Variants in CLNK observed in about 807,000 individuals in gnomAD.
The protein encoded by CLNK is cytokine-dependent hematopoietic cell linker.
CLNK carries 74 observed loss-of-function variants against 68.6 expected under a neutral mutation model. The observed-to-expected ratio is 1.08, with a 90% CI of 0.89 to 1.31. The LOEUF (loss-of-function observed/expected upper bound fraction) is 1.31, where lower values mean the gene tolerates loss of function less well. Among genes scored for constraint, CLNK ranks in the 50% most tolerant of loss-of-function variants. The pLI, the probability that CLNK is intolerant of heterozygous loss-of-function variation, is 0.00. For missense variants in CLNK, 553 were observed against 515.3 expected (o/e 1.07, Z -0.71); for synonymous variants, 198 against 172.2 (o/e 1.15, Z -1.17).
intron 2 of CLNK, among the ~76,000 whole-genome samples, chr4:10,632,595 C>T (rs1224565779): frequency 3.3e-5 from 5 of 152,246 alleles, no homozygotes; most frequent in Non-Finnish European, 5.9e-5. Context: ...TAGGTCTAGC[C>T]TAGTGCCTGA....
intron 18 of CLNK, among the ~76,000 whole-genome samples, chr4:10,499,737 C>A (rs1007816445): frequency 6.6e-6 from 1 of 152,142 alleles, no homozygotes; most frequent in Non-Finnish European, 1.5e-5. Context: ...AGGCTGAAGT[C>A]CCAAGGTCAA....
chr4:10,572,987 C>T (rs1720408587), intron 4 of CLNK, among the ~76,000 whole-genome samples: 2 of 152,106 alleles, frequency 1.3e-5, no homozygotes, highest in South Asian at 2.1e-4. Flanking sequence ...CACCACCACA[C>T]CCAGCTAATT....
chr4:10,557,564 G>A (rs1403511125), intron 8 of CLNK, among the ~76,000 whole-genome samples: 3 of 152,144 alleles, frequency 2.0e-5, no homozygotes, highest in South Asian at 2.1e-4. Context: ...GGCCAGCCCC[G>A]CTGCTGTCAG....
chr4:10,603,889 T>C (rs1279838566), intron 2 of CLNK, among the ~76,000 whole-genome samples: 3 of 152,212 alleles, frequency 2.0e-5, no homozygotes, highest in Non-Finnish European at 2.9e-5. Flanking sequence ...CTCTTTTATT[T>C]AGTGAGTTTG....
At chr4:10,549,538 G>C (rs1291112743) in intron 8 of CLNK, among the ~76,000 whole-genome samples, 1 of 152,216 alleles carries the variant, frequency 6.6e-6, no homozygotes, top group East Asian at 1.9e-4. Flanking sequence ...CAAATGGATT[G>C]AGGAGTGAAT....
At chr4:10,520,103 A>G (rs547820172) in intron 15 of CLNK, among the ~76,000 whole-genome samples, 1 of 151,948 alleles carries the variant, frequency 6.6e-6, no homozygotes, top group Non-Finnish European at 1.5e-5. Flanking sequence ...CAGAATCTTC[A>G]TGGCACACAG....
chr4:10,697,807 G>C, the CLNK span: 1 of 152,092 alleles, frequency 6.6e-6, no homozygotes, highest in African/African-American at 2.4e-5. Context: ...TCTACATTTT[G>C]ATCTACTCAT....
chr4:10,539,444 C>T (rs1015174904), intron 11 of CLNK, among the ~76,000 whole-genome samples: 3 of 152,192 alleles, frequency 2.0e-5, no homozygotes, highest in African/African-American at 7.2e-5. Flanking sequence ...AATGCTTTCT[C>T]ACTAAATAAT....
At chr4:10,601,923 G>C (rs1371153000) in intron 2 of CLNK, among the ~76,000 whole-genome samples, 1 of 152,252 alleles carries the variant, frequency 6.6e-6, no homozygotes, top group Non-Finnish European at 1.5e-5. Flanking sequence ...TCCTGGGAAA[G>C]CTGGAAGTGC....
chr4:10,725,122 G>T, the CLNK span, among the ~76,000 whole-genome samples: 1 of 152,102 alleles, frequency 6.6e-6, no homozygotes, highest in Non-Finnish European at 1.5e-5. Context: ...GGTGCATAAT[G>T]CCTCCCCAGG....
In CLNK at chr4:10,490,380, T is replaced by C; in HGVS notation, c.*87A>G. The stretch of plus-strand genomic sequence containing the variant: ...TCTCCAAAGTTAAAAAAGTTGTCCC[T>C]TGAAGGCACAGAAAATAAACTTTTG... On this transcript the variant is annotated 3_prime_UTR_variant, in exon 19 of 19. Coordinates refer to ENST00000226951, the MANE Select transcript of CLNK (RefSeq NM_052964.4). The C allele has an allele frequency of 7.0e-7, 1 of 1,431,794 alleles. No homozygotes were observed. Among genetic ancestry groups the C allele is most frequent in the Non-Finnish European group, 9.4e-7 (1 of 1,062,716 alleles). The allele number at this position is 1,431,794 out of a possible 1,614,324, so 88.7% of individuals were successfully genotyped here. A position where few individuals can be genotyped will look rare whatever the true frequency, so the allele number is the denominator to read the frequency against.
chr4:10,709,077 A>G, the CLNK span, among the ~76,000 whole-genome samples: 5 of 152,196 alleles, frequency 3.3e-5, no homozygotes, highest in Non-Finnish European at 4.4e-5. Flanking sequence ...AAAGCTTCAT[A>G]TTAATAAGAT....
At chr4:10,493,274 C>T (rs1036451202) in intron 18 of CLNK, among the ~76,000 whole-genome samples, 4 of 152,138 alleles carry the variant, frequency 2.6e-5, no homozygotes, top group African/African-American at 4.8e-5. Flanking sequence ...GCTGTGATGG[C>T]GGCACTGCAC....
At chr4:10,699,518 T>G in the CLNK span, among the ~76,000 whole-genome samples, 7 of 116,792 alleles carry the variant, frequency 6.0e-5, 1 homozygote, top group South Asian at 1.1e-3. Context: ...ATATATTTTT[T>G]TTTTTTTTTT....
intron 2 of CLNK, among the ~76,000 whole-genome samples, chr4:10,611,865 G>A (rs1337896631): frequency 6.6e-6 from 1 of 152,106 alleles, no homozygotes; most frequent in Non-Finnish European, 1.5e-5. Flanking sequence ...CATTCCTAAT[G>A]CCTGTAGTCA....
chr4:10,559,551 C>T (rs1468117986), intron 7 of CLNK, among the ~76,000 whole-genome samples: 2 of 152,158 alleles, frequency 1.3e-5, no homozygotes, highest in Non-Finnish European at 2.9e-5. Flanking sequence ...GAGGGAGTCT[C>T]TCTCAATGCT....
chr4:10,619,169 T>C (rs1418203780), intron 2 of CLNK, among the ~76,000 whole-genome samples: 1 of 152,198 alleles, frequency 6.6e-6, no homozygotes, highest in Non-Finnish European at 1.5e-5. Flanking sequence ...GAGCTATACT[T>C]GCAGGTAGGC....
At chr4:10,512,553 A>G (rs372901922) in intron 16 of CLNK, among the ~76,000 whole-genome samples, 4 of 152,098 alleles carry the variant, frequency 2.6e-5, no homozygotes, top group East Asian at 3.9e-4. Context: ...TATTTTCCAA[A>G]GTCTAATTTA....
chr4:10,689,878 A>T, the CLNK span, among the ~76,000 whole-genome samples: 1 of 150,726 alleles, frequency 6.6e-6, no homozygotes, highest in Non-Finnish European at 1.5e-5. Flanking sequence ...CCTTGAGAGG[A>T]GATCAGCTCA....
Sources: allele counts gnomAD v4.1 joint callset (sites outside exome capture counted in the v4.1 genomes callset), GRCh38; gene constraint gnomAD v4.1.1; transcripts MANE v1.5; gene names NCBI Gene and HGNC (gene_info 2026-07-23, HGNC 2026-07-21).